Variants in NAMPT observed in about 807,000 individuals in gnomAD.
NAMPT encodes nicotinamide phosphoribosyltransferase, also known as NAmPRTase.
NAMPT carries 7 observed loss-of-function variants against 58.7 expected under a neutral mutation model. The observed-to-expected ratio is 0.12, with a 90% CI of 0.07 to 0.22. NAMPT has a LOEUF of 0.22. Ranked by LOEUF, NAMPT falls within the 10% of genes least tolerant of loss-of-function variation. The pLI is 1.00. For synonymous variants in NAMPT, 145 were observed against 198.1 expected (o/e 0.73, Z 2.25); for missense variants, 271 against 567.9 (o/e 0.48, Z 5.31).
chr7:106,267,869 A>AAAAAAAAAAAAAAAAAAAC, intron 6 of NAMPT, among the ~76,000 whole-genome samples: 1 of 140,396 alleles, frequency 7.1e-6, no homozygotes, highest in South Asian at 2.3e-4. Flanking sequence ...AAAAAAAAAA[A>AAAAAAAAAAAAAAAAAAAC]AAAAAAACAA....
intron 1 of NAMPT, among the ~76,000 whole-genome samples, chr7:106,278,976 T>C (rs1049156034): frequency 1.3e-5 from 2 of 152,192 alleles, no homozygotes; most frequent in African/African-American, 2.4e-5. Flanking sequence ...AGGCAAGTTA[T>C]TTTCTTTTTC....
At chr7:106,283,224 G>A (rs950446066) in intron 1 of NAMPT, among the ~76,000 whole-genome samples, 5 of 151,950 alleles carry the variant, frequency 3.3e-5, no homozygotes, top group African/African-American at 9.7e-5. Context: ...TATTAAATAG[G>A]TGCAAATTCT....
At chr7:106,268,344 G>T in intron 6 of NAMPT, 120 bp downstream of exon 6, 1 of 844,088 alleles carries the variant, frequency 1.2e-6, no homozygotes. Context: ...AATTTGTGTT[G>T]CTCAAGTTCA....
chr7:106,275,088 T>C, intron 2 of NAMPT, 39 bp from the exon 3 acceptor site: 1 of 1,307,010 alleles, frequency 7.7e-7, no homozygotes, highest in Non-Finnish European at 1.1e-6. Flanking sequence ...TTTCTAAAGG[T>C]GCATTCTGTG....
intron 4 of NAMPT, chr7:106,270,432 A>AG (rs1166066654): frequency 3.3e-4 from 73 of 220,776 alleles, no homozygotes; most frequent in African/African-American, 1.6e-3. Context: ...TTAACCTTGA[A>AG]CTTGCCAATC....
chr7:106,281,405 T>A (rs1792761703), intron 1 of NAMPT, among the ~76,000 whole-genome samples: 1 of 152,204 alleles, frequency 6.6e-6, no homozygotes, highest in Admixed American at 6.5e-5. Context: ...ACTACTATCT[T>A]ACTTTTTCAG....
chr7:106,273,536 C>T (rs997821338), intron 3 of NAMPT, among the ~76,000 whole-genome samples: 11 of 152,274 alleles, frequency 7.2e-5, no homozygotes, highest in South Asian at 4.1e-4. Flanking sequence ...AGACCCTGGA[C>T]TAGTCACTTG....
At chr7:106,252,462 T>C (rs1353297186) in intron 10 of NAMPT, among the ~76,000 whole-genome samples, 1 of 152,090 alleles carries the variant, frequency 6.6e-6, no homozygotes, top group Non-Finnish European at 1.5e-5. Context: ...CACTCATGTT[T>C]AGTGTACTTT....
intron 1 of NAMPT, among the ~76,000 whole-genome samples, chr7:106,280,225 AAGGGGAACT>A (rs1475329805): frequency 2.0e-5 from 3 of 152,270 alleles, no homozygotes; most frequent in African/African-American, 7.2e-5. Context: ...TTTGGAGGTA[AAGGGGAACT>A]ACGCCGATAA....
rs140964626 is a variant in NAMPT at position 106,263,123 on chromosome 7, T to C, written c.969+269A>G. The C allele has an allele frequency of 8.6e-4, 367 of 428,150 alleles. 2 individuals carry two copies. The highest frequency in any genetic ancestry group is 7.6e-3 in the South Asian group (206 of 27,186). 26.5% of individuals were successfully genotyped at this position (428,150 alleles called of 1,614,324 possible). ...ATCATAGGATTAATTAAAATGGCAATGCTGTTAATTAATTTTGCAGGTAAG... is the reference window on the plus strand; with the variant it reads ...ATCATAGGATTAATTAAAATGGCAACGCTGTTAATTAATTTTGCAGGTAAG... On this transcript the variant is annotated intron_variant, in intron 7 of 10. Transcript: ENST00000222553.
intron 8 of NAMPT, among the ~76,000 whole-genome samples, chr7:106,256,833 G>C (rs1792210084): frequency 6.6e-6 from 1 of 152,146 alleles, no homozygotes; most frequent in Non-Finnish European, 1.5e-5. Context: ...TAAGTTGAGA[G>C]GAACATCTGT....
chr7:106,263,605 A>T lies in NAMPT; in HGVS notation c.756T>A (p.Ala252=). The T allele has an allele frequency of 6.2e-7, 1 of 1,612,740 alleles. No individual in the cohort carries two copies. Among genetic ancestry groups the T allele is most frequent in the South Asian group, 1.1e-5 (1 of 91,026 alleles). The change falls in exon 7 of 11, where the codon GCT becomes GCA. Residue 252 remains alanine, a synonymous_variant. Transcript: ENST00000222553. ...VPAAEHSTIT[A]WGKDHEKDAF... ...CATCTTTTTCATGGTCTTTCCCCCA[A>T]GCTGTTATGGTACTAGAAAAAAAAA...
At chr7:106,267,800 C>T (rs1206276388) in intron 6 of NAMPT, among the ~76,000 whole-genome samples, 1 of 121,680 alleles carries the variant, frequency 8.2e-6, no homozygotes, top group African/African-American at 3.2e-5. Context: ...GAGATCCCGC[C>T]ACTGCACTCC....
chr7:106,280,088 G>A (rs750226154), intron 1 of NAMPT, among the ~76,000 whole-genome samples: 2 of 152,056 alleles, frequency 1.3e-5, no homozygotes, highest in African/African-American at 2.4e-5. Context: ...TTTAAGCTGG[G>A]GTGAATATGA....
At chr7:106,260,783 G>A (rs190682149) in intron 8 of NAMPT, among the ~76,000 whole-genome samples, 1 of 152,306 alleles carries the variant, frequency 6.6e-6, no homozygotes, top group East Asian at 1.9e-4. Flanking sequence ...AACTTGAAGT[G>A]AGCAGAGAAA....
At chr7:106,267,872 A>AAAAAAAAAAAAAAAAAAAAAAAAAAC (rs1562815992) in intron 6 of NAMPT, among the ~76,000 whole-genome samples, 1 of 136,200 alleles carries the variant, frequency 7.3e-6, no homozygotes, top group African/African-American at 2.9e-5. Context: ...AAAAAAAAAA[A>AAAAAAAAAAAAAAAAAAAAAAAAAAC]AAAACAACCT....
chr7:106,284,987 C>G (rs1792843615), upstream of NAMPT: 1 of 1,460,870 alleles, frequency 6.8e-7, no homozygotes, highest in Non-Finnish European at 9.2e-7. Context: ...AGTCACTGCT[C>G]GGTCGGCGGA....
chr7:106,269,436 A>T, intron 4 of NAMPT, 124 bp from the exon 5 acceptor site: 1 of 836,154 alleles, frequency 1.2e-6, no homozygotes, highest in Non-Finnish European at 1.8e-6. Context: ...AACTAGACAC[A>T]GAACTGCGCA....
chr7:106,256,600 C>T (rs1177918510), intron 8 of NAMPT, among the ~76,000 whole-genome samples: 3 of 152,094 alleles, frequency 2.0e-5, no homozygotes, highest in African/African-American at 4.8e-5. Context: ...AAAAGTGATT[C>T]GCATTCAGTG....
Sources: allele counts gnomAD v4.1 joint callset (sites outside exome capture counted in the v4.1 genomes callset), GRCh38; gene constraint gnomAD v4.1.1; transcripts MANE v1.5; gene names NCBI Gene and HGNC (gene_info 2026-07-23, HGNC 2026-07-21).